Variants in CD9 observed in about 807,000 individuals in gnomAD.
CD9 encodes the protein CD9 molecule, also known as CD9 antigen.
Under a neutral mutation model 31.4 loss-of-function variants are expected in CD9, and 10 were observed. That is an observed-to-expected ratio of 0.32 (90% CI 0.20 to 0.54). The LOEUF (loss-of-function observed/expected upper bound fraction) is 0.54, where lower values mean the gene tolerates loss of function less well. Ranked by LOEUF, CD9 falls within the 20% of genes least tolerant of loss-of-function variation. The pLI, the probability that CD9 is intolerant of heterozygous loss-of-function variation, is 0.94. For missense variants in CD9, 259 were observed against 300.1 expected (o/e 0.86, Z 1.01); for synonymous variants, 113 against 114.1 (o/e 0.99, Z 0.06).
chr12:6,206,031 AC>A (rs1946127158), intron 1 of CD9: 1 of 152,090 alleles, frequency 6.6e-6, no homozygotes, highest in Non-Finnish European at 1.5e-5. Flanking sequence ...AACAGGCTTT[AC>A]CCCATACACA....
chr12:6,203,817 T>A (rs1234300730), intron 1 of CD9, among the ~76,000 whole-genome samples: 1 of 152,130 alleles, frequency 6.6e-6, no homozygotes, highest in Non-Finnish European at 1.5e-5. Flanking sequence ...GTCTGACACA[T>A]GCATGTCTGC....
intron 1 of CD9, among the ~76,000 whole-genome samples, chr12:6,222,124 G>A (rs988122386): frequency 1.3e-5 from 2 of 152,226 alleles, no homozygotes; most frequent in Non-Finnish European, 2.9e-5. Context: ...AACCATGAAA[G>A]GCATTATTGG....
intron 1 of CD9, 90 bp downstream of exon 1, chr12:6,200,655 G>A (rs1380743027): frequency 6.0e-6 from 5 of 837,212 alleles, no homozygotes; most frequent in Non-Finnish European, 9.9e-6. Flanking sequence ...GCCGGCAGCT[G>A]GCACTGCCCG....
intron 4 of CD9, among the ~76,000 whole-genome samples, chr12:6,233,768 ACACCTCAGCAGCCCTTCCC>A (rs1946481688): frequency 6.6e-6 from 1 of 151,850 alleles, no homozygotes. Context: ...TGTCCATCTC[ACACCTCAGCAGCCCTTCCC>A]CACAACTTTT....
chr12:6,216,323 T>A (rs145305816), intron 1 of CD9, among the ~76,000 whole-genome samples: 7 of 152,298 alleles, frequency 4.6e-5, no homozygotes, highest in African/African-American at 1.7e-4. Context: ...GAAACTTGCA[T>A]CCCCAGTATT....
intron 1 of CD9, among the ~76,000 whole-genome samples, chr12:6,203,705 C>G (rs1034792364): frequency 3.9e-5 from 6 of 152,092 alleles, no homozygotes; most frequent in Non-Finnish European, 5.9e-5. Flanking sequence ...TGCCCACCCC[C>G]CAAAAAACAG....
At chr12:6,228,997 C>T (rs1946406227) in intron 2 of CD9, among the ~76,000 whole-genome samples, 1 of 152,244 alleles carries the variant, frequency 6.6e-6, no homozygotes. Flanking sequence ...AAGTGAAAAC[C>T]TTTCCAACAT....
chr12:6,207,473 C>G (rs187882340), intron 1 of CD9, among the ~76,000 whole-genome samples: 2 of 152,226 alleles, frequency 1.3e-5, no homozygotes, highest in African/African-American at 4.8e-5. Context: ...AATGAGTGCT[C>G]TGTATTTCTA....
chr12:6,217,033 C>T (rs371563304), intron 1 of CD9, among the ~76,000 whole-genome samples: 44 of 151,926 alleles, frequency 2.9e-4, no homozygotes, highest in African/African-American at 1.0e-3. Context: ...TGTTTTTTTT[C>T]CACAAACGAG....
chr12:6,225,512 T>C lies in CD9; in HGVS notation c.153T>C (p.Asn51=), dbSNP rs768076675. 4.3e-5 allele frequency: 69 copies of C among 1,608,896 alleles called. No homozygotes were observed. The highest frequency in any genetic ancestry group is 4.7e-5 in the Non-Finnish European group (55 of 1,175,418). ...TKSIFEQETN[N]NNSSFYTGVY... Reference sequence around the variant, plus strand: ...GCATCTTCGAGCAAGAAACTAATAATAATAATTCCAGCTTCTACACAGGTG... The same window carrying C: ...GCATCTTCGAGCAAGAAACTAATAACAATAATTCCAGCTTCTACACAGGTG... Residue 51 remains asparagine, a synonymous_variant, in exon 2 of 8, where the codon AAT becomes AAC. Transcript: ENST00000009180.
chr12:6,201,631 C>G (rs764448120), intron 1 of CD9, among the ~76,000 whole-genome samples: 21 of 152,264 alleles, frequency 1.4e-4, no homozygotes, highest in Non-Finnish European at 2.5e-4. Context: ...TAGCCACATT[C>G]CCTGCACACA....
chr12:6,220,057 A>G lies in CD9; in HGVS notation c.67-5369A>G, dbSNP rs552344581. Among the ~76,000 whole-genome samples the G allele has an allele frequency of 7.0e-4, 107 of 152,298 alleles. 1 individual carries two copies. Among genetic ancestry groups the G allele is most frequent in the African/African-American group, 2.4e-3 (100 of 41,572 alleles). On this transcript the variant is annotated intron_variant, in intron 1 of 7. Coordinates refer to ENST00000009180, the MANE Select transcript of CD9 (RefSeq NM_001769.4). The stretch of plus-strand genomic sequence containing the variant: ...TGTGCTCTGCTGAGATGGGAGGCAA[A>G]CCCCAGATAGAGGAAGGGCAGAGAG...
chr12:6,213,824 G>T (rs1408070079), intron 1 of CD9, among the ~76,000 whole-genome samples: 1 of 152,116 alleles, frequency 6.6e-6, no homozygotes, highest in Non-Finnish European at 1.5e-5. Flanking sequence ...AGAAGCTACG[G>T]GCCAGCATCT....
chr12:6,230,508 T>G (rs1946429779), intron 2 of CD9, among the ~76,000 whole-genome samples: 1 of 152,236 alleles, frequency 6.6e-6, no homozygotes, highest in Non-Finnish European at 1.5e-5. Flanking sequence ...CTCCACGGTA[T>G]TTCATGTGTT....
intron 1 of CD9, among the ~76,000 whole-genome samples, chr12:6,205,466 C>T (rs1267476852): frequency 6.6e-6 from 1 of 152,176 alleles, no homozygotes; most frequent in African/African-American, 2.4e-5. Context: ...ATATGCAGCC[C>T]TCTCTGGGGC....
chr12:6,233,527 G>A (rs1306606794), intron 4 of CD9, 41 bp downstream of exon 4: 1 of 1,479,048 alleles, frequency 6.8e-7, no homozygotes, highest in Non-Finnish European at 9.5e-7. Flanking sequence ...TGGGAGTTGG[G>A]GGATGGGGGA....
intron 1 of CD9, among the ~76,000 whole-genome samples, chr12:6,204,101 T>C (rs1383202451): frequency 6.6e-6 from 1 of 152,194 alleles, no homozygotes; most frequent in African/African-American, 2.4e-5. Flanking sequence ...TGTCCTCAAC[T>C]CACTTTGAAA....
intron 1 of CD9, among the ~76,000 whole-genome samples, chr12:6,211,060 A>T (rs1340895175): frequency 2.0e-5 from 3 of 150,660 alleles, no homozygotes; most frequent in East Asian, 2.0e-4. Flanking sequence ...CTGGTCTTGA[A>T]CTCCTGACCT....
At chr12:6,209,336 A>C (rs1459638661) in intron 1 of CD9, among the ~76,000 whole-genome samples, 1 of 152,160 alleles carries the variant, frequency 6.6e-6, no homozygotes, top group Non-Finnish European at 1.5e-5. Flanking sequence ...GGGCAGTTGC[A>C]GTGTGTAGTG....
Sources: gnomAD v4.1 joint callset for allele counts (sites outside exome capture counted in the v4.1 genomes callset) on GRCh38, gnomAD v4.1.1 for gene constraint, MANE v1.5 for transcripts, NCBI Gene and HGNC (gene_info 2026-07-23, HGNC 2026-07-21) for gene names.